Variants in DGKI observed in about 807,000 individuals in gnomAD.
DGKI encodes the protein DAG kinase iota.
A neutral mutation model predicts 147.5 loss-of-function variants in DGKI; 55 were observed. That is an observed-to-expected ratio of 0.37 (90% CI 0.30 to 0.47). The LOEUF (loss-of-function observed/expected upper bound fraction) is 0.47. Ranked by LOEUF, DGKI falls within the 20% of genes least tolerant of loss-of-function variation. The pLI is 1.00. For missense variants in DGKI, 1,007 were observed against 1,323.8 expected (o/e 0.76, Z 3.71); for synonymous variants, 469 against 477.1 (o/e 0.98, Z 0.22).
At chr7:137,427,585 C>A (rs1408140212) in intron 28 of DGKI, among the ~76,000 whole-genome samples, 2 of 152,090 alleles carry the variant, frequency 1.3e-5, no homozygotes, top group South Asian at 2.1e-4. Flanking sequence ...ACACAAAAAA[C>A]CCTTCAAAAA....
At chr7:137,480,630 G>A (rs991258396) in intron 23 of DGKI, among the ~76,000 whole-genome samples, 2 of 151,616 alleles carry the variant, frequency 1.3e-5, no homozygotes, top group Non-Finnish European at 2.9e-5. Context: ...AAAGACATCT[G>A]TACCACCCTG....
intron 8 of DGKI, among the ~76,000 whole-genome samples, chr7:137,612,621 G>A (rs1396270464): frequency 2.0e-5 from 3 of 152,018 alleles, no homozygotes; most frequent in Non-Finnish European, 2.9e-5. Context: ...CTACAGGATC[G>A]CTTATCCTGC....
At chr7:137,407,156 G>A (rs1052079663) in intron 30 of DGKI, among the ~76,000 whole-genome samples, 1 of 152,032 alleles carries the variant, frequency 6.6e-6, no homozygotes, top group Non-Finnish European at 1.5e-5. Flanking sequence ...CTTTATTCCT[G>A]TTCTTTATTC....
At chr7:137,572,303 C>T (rs944077141) in intron 18 of DGKI, among the ~76,000 whole-genome samples, 2 of 152,148 alleles carry the variant, frequency 1.3e-5, no homozygotes, top group African/African-American at 4.8e-5. Context: ...GACATCCTGG[C>T]TAGAAAACAA....
rs566236842 is a variant in DGKI at position 137,560,255 on chromosome 7, T to C, written c.1948-7687A>G. Among the ~76,000 whole-genome samples, 5 of 152,228 alleles carry C rather than the reference T, an allele frequency of 3.3e-5. No homozygotes were observed. The East Asian group carries it at 9.6e-4, about 29-fold the overall frequency. Reference sequence around the variant, plus strand: ...GCCAGTGAAGATAAAAACAGATGAATAGAAATTACCGTATCTGAAAAACAG... The same window carrying C: ...GCCAGTGAAGATAAAAACAGATGAACAGAAATTACCGTATCTGAAAAACAG... On this transcript the variant is annotated intron_variant, in intron 19 of 32. Transcript: ENST00000614521.
chr7:137,597,273 C>G (rs1339256691), intron 12 of DGKI, among the ~76,000 whole-genome samples: 1 of 152,004 alleles, frequency 6.6e-6, no homozygotes, highest in East Asian at 1.9e-4. Context: ...AAATGATAGC[C>G]TAGGTAATGG....
At chr7:137,700,896 A>T (rs934980996) in intron 1 of DGKI, among the ~76,000 whole-genome samples, 7 of 144,510 alleles carry the variant, frequency 4.8e-5, no homozygotes, top group Non-Finnish European at 9.5e-5. Context: ...TAAATAAATA[A>T]ATAAATAAAT....
Position 137,604,122 on chromosome 7 carries a change from AG to A in DGKI, c.1168-4218del, listed in dbSNP as rs1563107509. On this transcript the variant is annotated intron_variant, in intron 10 of 32. Coordinates refer to ENST00000614521, the MANE Select transcript of DGKI (RefSeq NM_001321708.2). ...TGATTTCAGAAATAGGACTTTCCAT[AG>A]GTTCATCATTTGGTTGTTTTAATTC... 6.6e-5 allele frequency among the ~76,000 whole-genome samples: 10 copies of A among 152,242 alleles called. No homozygotes were observed. The South Asian group carries it at 1.9e-3, about 28-fold the overall frequency.
At chr7:137,449,326 T>C (rs1340112253) in intron 27 of DGKI, among the ~76,000 whole-genome samples, 2 of 152,058 alleles carry the variant, frequency 1.3e-5, no homozygotes, top group Admixed American at 6.6e-5. Context: ...AGCCGGAAAA[T>C]AAATCTACAT....
intron 19 of DGKI, among the ~76,000 whole-genome samples, chr7:137,563,162 T>C (rs1818473191): frequency 6.6e-6 from 1 of 151,628 alleles, no homozygotes; most frequent in East Asian, 1.9e-4. Flanking sequence ...GAAAATTGTA[T>C]GTCAATTTCA....
At chr7:137,705,882 T>C (rs1420644971) in intron 1 of DGKI, among the ~76,000 whole-genome samples, 2 of 152,038 alleles carry the variant, frequency 1.3e-5, no homozygotes, top group Admixed American at 1.3e-4. Context: ...AGTAAAGATA[T>C]AACCCTGAGA....
intron 25 of DGKI, among the ~76,000 whole-genome samples, chr7:137,466,487 T>A (rs1585141141): frequency 9.6e-6 from 1 of 104,592 alleles, no homozygotes; most frequent in African/African-American, 1.2e-4. Flanking sequence ...GGCAAAACCA[T>A]TTTTTTTTTC....
chr7:137,511,449 C>G (rs963311031), intron 21 of DGKI, among the ~76,000 whole-genome samples: 1 of 152,230 alleles, frequency 6.6e-6, no homozygotes, highest in Non-Finnish European at 1.5e-5. Flanking sequence ...TTTTACTTTG[C>G]TAATTCAGAC....
chr7:137,517,134 T>C (rs1275303416), intron 21 of DGKI, among the ~76,000 whole-genome samples: 2 of 148,998 alleles, frequency 1.3e-5, no homozygotes, highest in African/African-American at 2.5e-5. Flanking sequence ...CAAAGCCAGA[T>C]TGGAAGATAT....
Position 137,737,055 on chromosome 7 carries a change from T to C in DGKI, c.402-47053A>G, listed in dbSNP as rs570002034. On this transcript the variant is annotated intron_variant, in intron 1 of 32. Coordinates refer to ENST00000614521, the MANE Select transcript of DGKI (RefSeq NM_001321708.2). ...TTCCGAAAAATTGGACGGAAAACTATTAAAGCTAAACGTGATTGGACAGCA... is the reference window on the plus strand; with the variant it reads ...TTCCGAAAAATTGGACGGAAAACTACTAAAGCTAAACGTGATTGGACAGCA... Among the ~76,000 whole-genome samples the C allele has an allele frequency of 5.1e-4, 77 of 152,122 alleles. 1 individual carries two copies. In the South Asian group the frequency reaches 0.011, roughly 21 times the overall value.
intron 1 of DGKI, among the ~76,000 whole-genome samples, chr7:137,735,121 C>A (rs1794986618): frequency 6.6e-6 from 1 of 152,118 alleles, no homozygotes; most frequent in Admixed American, 6.5e-5. Flanking sequence ...AAATTAGACT[C>A]ATCTGTGTGA....
chr7:137,469,356 G>A (rs1814790643), intron 24 of DGKI, among the ~76,000 whole-genome samples, 194 bp downstream of exon 24: 1 of 152,194 alleles, frequency 6.6e-6, no homozygotes. Flanking sequence ...GCTGTGTTGA[G>A]GGAAATGACT....
At chr7:137,565,129 T>C (rs1028369696) in intron 19 of DGKI, among the ~76,000 whole-genome samples, 3 of 152,210 alleles carry the variant, frequency 2.0e-5, no homozygotes, top group Admixed American at 6.5e-5. Context: ...CAAACAATTA[T>C]GTTAATTACA....
chr7:137,818,819 T>C (rs1035057795), intron 1 of DGKI, among the ~76,000 whole-genome samples: 2 of 152,180 alleles, frequency 1.3e-5, no homozygotes, highest in African/African-American at 2.4e-5. Flanking sequence ...CAGGAAAAAC[T>C]CAGCATAAGT....
Sources: gnomAD v4.1 joint callset for allele counts (sites outside exome capture counted in the v4.1 genomes callset) on GRCh38, gnomAD v4.1.1 for gene constraint, MANE v1.5 for transcripts, NCBI Gene and HGNC (gene_info 2026-07-23, HGNC 2026-07-21) for gene names.